The following MAGI1 variants were observed in gnomAD, a reference collection of about 807,000 sequenced individuals.
MAGI1 encodes the protein membrane-associated guanylate kinase, WW and PDZ domain-containing protein 1.
In MAGI1, 58 loss-of-function variants were observed where a neutral mutation model predicts 139.9. The observed-to-expected ratio is 0.41, with a 90% CI of 0.34 to 0.52. The LOEUF (loss-of-function observed/expected upper bound fraction) is 0.52, where lower values mean the gene tolerates loss of function less well. Ranked by LOEUF, MAGI1 falls within the 20% of genes least tolerant of loss-of-function variation. The pLI, the probability that MAGI1 is intolerant of heterozygous loss-of-function variation, is 0.12. For missense variants in MAGI1, 1,874 were observed against 1,901.6 expected (o/e 0.99, Z 0.27); for synonymous variants, 812 against 737.9 (o/e 1.10, Z -1.63).
At chr3:65,648,599 C>T (rs2085409935) in intron 1 of MAGI1, among the ~76,000 whole-genome samples, 1 of 152,150 alleles carries the variant, frequency 6.6e-6, no homozygotes, top group African/African-American at 2.4e-5. Context: ...ACACCACAAT[C>T]AAGAATTCAA....
At chr3:65,501,779 A>T (rs1287711849) in intron 2 of MAGI1, among the ~76,000 whole-genome samples, 1 of 152,226 alleles carries the variant, frequency 6.6e-6, no homozygotes, top group Admixed American at 6.5e-5. Context: ...TTTATGCATA[A>T]TCAACCAAAA....
intron 2 of MAGI1, among the ~76,000 whole-genome samples, chr3:65,606,802 G>T (rs955769814): frequency 6.6e-6 from 1 of 152,102 alleles, no homozygotes; most frequent in African/African-American, 2.4e-5. Flanking sequence ...ACAGGTGTGA[G>T]CCGCCGCACC....
At chr3:65,922,818 C>T (rs954689914) in intron 1 of MAGI1, among the ~76,000 whole-genome samples, 1 of 152,180 alleles carries the variant, frequency 6.6e-6, no homozygotes, top group African/African-American at 2.4e-5. Flanking sequence ...GGAAGTTCAG[C>T]AGGTTTCTGT....
intron 1 of MAGI1, among the ~76,000 whole-genome samples, chr3:65,862,676 TCTC>T (rs1328744482): frequency 2.0e-5 from 3 of 152,196 alleles, no homozygotes; most frequent in Non-Finnish European, 2.9e-5. Flanking sequence ...GTCCATGTTC[TCTC>T]CTCTTCCACC....
At chr3:65,855,632 G>GGACGGGGGAGGA (rs201487729) in intron 1 of MAGI1, among the ~76,000 whole-genome samples, 2 of 115,564 alleles carry the variant, frequency 1.7e-5, no homozygotes, top group Non-Finnish European at 1.8e-5. Flanking sequence ...AGAGGGGAGG[G>GGACGGGGGAGGA]GAAGGGAGAA....
chr3:66,032,627 GA>G, intron 1 of MAGI1, among the ~76,000 whole-genome samples: 1 of 151,844 alleles, frequency 6.6e-6, no homozygotes, highest in Non-Finnish European at 1.5e-5. Context: ...AGACAATAAA[GA>G]AGAAACAGGG....
intron 14 of MAGI1, among the ~76,000 whole-genome samples, chr3:65,388,756 C>G (rs779514395): frequency 2.7e-5 from 4 of 149,978 alleles, no homozygotes; most frequent in Non-Finnish European, 5.9e-5. Context: ...CAAAAAGGAA[C>G]AGGTTCTCAT....
chr3:66,031,385 C>T lies in MAGI1; in HGVS notation c.313+6611G>A, dbSNP rs144937114. ...TCAGAATGTTTTCTCTTATAAACCA[C>T]TTAATTCCCCTTGGTGGATATCATC... On this transcript the variant is annotated intron_variant, in intron 1 of 22. Transcript: ENST00000402939. 4.1e-3 allele frequency among the ~76,000 whole-genome samples: 631 copies of T among 152,290 alleles called. 5 individuals carry two copies. The highest frequency in any genetic ancestry group is 0.014 in the African/African-American group (601 of 41,564).
chr3:66,027,579 A>G (rs1186642257), intron 1 of MAGI1, among the ~76,000 whole-genome samples: 2 of 152,198 alleles, frequency 1.3e-5, no homozygotes, highest in Non-Finnish European at 2.9e-5. Context: ...GGAGAACCTG[A>G]CTTCTCAAGC....
At chr3:66,007,824 C>T (rs558017849) in intron 1 of MAGI1, among the ~76,000 whole-genome samples, 36 of 151,508 alleles carry the variant, frequency 2.4e-4, no homozygotes, top group African/African-American at 8.0e-4. Flanking sequence ...AGGAAAGATA[C>T]TAAATTGGAG....
chr3:65,906,109 C>G (rs2061423258), intron 1 of MAGI1, among the ~76,000 whole-genome samples: 1 of 152,102 alleles, frequency 6.6e-6, no homozygotes, highest in Non-Finnish European at 1.5e-5. Context: ...TCATTCTTCT[C>G]CCTGAAAATA....
chr3:65,524,578 G>A lies in MAGI1; in HGVS notation c.431-30947C>T, dbSNP rs557190005. Among the ~76,000 whole-genome samples, 5 of 152,138 alleles carry A rather than the reference G, an allele frequency of 3.3e-5. 1 individual carries two copies. Among genetic ancestry groups the A allele is most frequent in the South Asian group, 4.1e-4 (2 of 4,820 alleles). ...CAGTGGACCATGCTCAAATAGAAAC[G>A]AGGATGTAGAAACAATGAATAAATG... On this transcript the variant is annotated intron_variant, in intron 2 of 22. Coordinates refer to ENST00000402939, the MANE Select transcript of MAGI1 (RefSeq NM_001033057.2).
intron 1 of MAGI1, among the ~76,000 whole-genome samples, chr3:65,827,211 G>A (rs2042276489): frequency 6.6e-6 from 1 of 151,892 alleles, no homozygotes; most frequent in South Asian, 2.1e-4. Flanking sequence ...TATATTCTGT[G>A]CTTCTCCCTG....
chr3:65,657,935 G>C (rs1448402742), intron 1 of MAGI1, among the ~76,000 whole-genome samples: 1 of 152,164 alleles, frequency 6.6e-6, no homozygotes, highest in Non-Finnish European at 1.5e-5. Flanking sequence ...ACCTTCTTTA[G>C]AAGGTCACTG....
intron 18 of MAGI1, among the ~76,000 whole-genome samples, chr3:65,370,472 T>C (rs1321867819): frequency 6.6e-6 from 1 of 152,216 alleles, no homozygotes; most frequent in Non-Finnish European, 1.5e-5. Flanking sequence ...GTACCAGTTT[T>C]ATGTTTACTT....
intron 1 of MAGI1, among the ~76,000 whole-genome samples, chr3:65,709,633 A>C (rs1004991223): frequency 6.6e-6 from 1 of 152,236 alleles, no homozygotes; most frequent in African/African-American, 2.4e-5. Context: ...GCAAGACCAG[A>C]TGCACTTCGG....
chr3:65,952,092 A>G (rs1185641898), intron 1 of MAGI1, among the ~76,000 whole-genome samples: 1 of 152,184 alleles, frequency 6.6e-6, no homozygotes, highest in Non-Finnish European at 1.5e-5. Context: ...GCTCAAATTC[A>G]GTTAGGGGTT....
intron 2 of MAGI1, among the ~76,000 whole-genome samples, chr3:65,599,726 G>A (rs2082391321): frequency 6.6e-6 from 1 of 152,124 alleles, no homozygotes; most frequent in African/African-American, 2.4e-5. Flanking sequence ...TCAACCAAAT[G>A]AAAGTGTTCA....
chr3:65,691,779 T>C (rs2088681810), intron 1 of MAGI1, among the ~76,000 whole-genome samples: 1 of 152,224 alleles, frequency 6.6e-6, no homozygotes, highest in South Asian at 2.1e-4. Flanking sequence ...TTATCAATTC[T>C]GTATTTGAGA....
Sources: allele counts gnomAD v4.1 joint callset (sites outside exome capture counted in the v4.1 genomes callset), GRCh38; gene constraint gnomAD v4.1.1; transcripts MANE v1.5; gene names NCBI Gene and HGNC (gene_info 2026-07-23, HGNC 2026-07-21).